PDZD2: variants seen among roughly 807,000 people sequenced by gnomAD.
PDZD2 encodes PDZ domain-containing protein 2.
In PDZD2, 90 loss-of-function variants were observed where a neutral mutation model predicts 220.7. The observed-to-expected ratio is 0.41, with a 90% CI of 0.34 to 0.49. PDZD2 has a LOEUF of 0.49. PDZD2 is among the 20% of genes least tolerant of loss of function. The pLI is 0.28. For missense variants in PDZD2, 3,174 were observed against 3,608.5 expected (o/e 0.88, Z 3.08); for synonymous variants, 1,375 against 1,450.5 (o/e 0.95, Z 1.18).
At chr5:32,023,374 A>G (rs1754381640) in intron 6 of PDZD2, among the ~76,000 whole-genome samples, 1 of 152,020 alleles carries the variant, frequency 6.6e-6, no homozygotes, top group South Asian at 2.1e-4. Context: ...TCATTGCACC[A>G]CCACCAACAA....
At chr5:31,735,473 C>T (rs896867685) in intron 1 of PDZD2, among the ~76,000 whole-genome samples, 1 of 152,150 alleles carries the variant, frequency 6.6e-6, no homozygotes, top group Admixed American at 6.5e-5. Context: ...CCAATAATGA[C>T]CTTCCATGAC....
chr5:31,778,603 C>G (rs1346065501), intron 1 of PDZD2, among the ~76,000 whole-genome samples: 3 of 152,154 alleles, frequency 2.0e-5, no homozygotes, highest in Non-Finnish European at 2.9e-5. Flanking sequence ...ATGAACCCAC[C>G]AGCAGGAAGA....
chr5:32,078,515 C>G (rs1259187234), intron 19 of PDZD2, among the ~76,000 whole-genome samples: 1 of 151,704 alleles, frequency 6.6e-6, no homozygotes, highest in East Asian at 1.9e-4. Flanking sequence ...GCTTATAATC[C>G]CAGCTACTCA....
intron 2 of PDZD2, among the ~76,000 whole-genome samples, chr5:31,827,477 G>A (rs1176559034): frequency 2.0e-5 from 3 of 152,090 alleles, no homozygotes; most frequent in Admixed American, 2.0e-4. Flanking sequence ...TGGATCACTT[G>A]AGATCAGGAG....
At chr5:31,852,345 G>C (rs1450813905) in intron 2 of PDZD2, among the ~76,000 whole-genome samples, 5 of 147,296 alleles carry the variant, frequency 3.4e-5, no homozygotes, top group Non-Finnish European at 7.5e-5. Flanking sequence ...CAGTGGCGCA[G>C]TCCGGGCTCA....
At chr5:31,953,348 CA>C (rs1252632316) in intron 2 of PDZD2, among the ~76,000 whole-genome samples, 9 of 152,014 alleles carry the variant, frequency 5.9e-5, no homozygotes, top group Non-Finnish European at 1.0e-4. Context: ...ATCCTACACA[CA>C]AAATTCCAGA....
At chr5:31,834,080 A>G (rs149436673) in intron 2 of PDZD2, among the ~76,000 whole-genome samples, 1 of 152,342 alleles carries the variant, frequency 6.6e-6, no homozygotes, top group Non-Finnish European at 1.5e-5. Context: ...TTCTTGGATG[A>G]TGAATTCTGT....
At chr5:32,085,136 G>A (rs182344843) in intron 19 of PDZD2, among the ~76,000 whole-genome samples, 33 of 151,312 alleles carry the variant, frequency 2.2e-4, no homozygotes, top group Admixed American at 1.7e-3. Flanking sequence ...TGTATTTTTC[G>A]TAGAGATAGG....
intron 1 of PDZD2, among the ~76,000 whole-genome samples, chr5:31,647,650 A>G (rs700904): frequency 0.085 from 12,993 of 152,242 alleles, 883 homozygotes; most frequent in East Asian, 0.25. Flanking sequence ...TTATAAGGAC[A>G]TTTGTCATTG....
chr5:32,020,059 AT>A (rs962989331), intron 6 of PDZD2, among the ~76,000 whole-genome samples: 15 of 136,650 alleles, frequency 1.1e-4, no homozygotes, highest in East Asian at 4.1e-4. Context: ...ATATATATAT[AT>A]TTTTTTAATT....
At chr5:31,728,002 C>CAA (rs11386922) in intron 1 of PDZD2, among the ~76,000 whole-genome samples, 12,995 of 110,440 alleles carry the variant, frequency 0.12, 1,173 homozygotes, top group East Asian at 0.34. Flanking sequence ...GACTCTGTCT[C>CAA]AAAAAAAAAA....
At chr5:32,054,028 C>G in intron 10 of PDZD2, 145 bp downstream of exon 10, 1 of 595,138 alleles carries the variant, frequency 1.7e-6, no homozygotes, top group South Asian at 2.0e-5. Context: ...CTGAGCTTCA[C>G]TTTCCCTAGT....
chr5:32,020,369 T>G (rs969779147), intron 6 of PDZD2, among the ~76,000 whole-genome samples: 3 of 152,098 alleles, frequency 2.0e-5, no homozygotes, highest in Admixed American at 1.3e-4. Context: ...AAATAAAAAT[T>G]TCTTCTGCCA....
intron 14 of PDZD2, among the ~76,000 whole-genome samples, chr5:32,064,308 C>G (rs1284050909): frequency 1.3e-5 from 2 of 151,542 alleles, no homozygotes; most frequent in African/African-American, 4.9e-5. Context: ...GTGGTGCAGT[C>G]TCAGCTCACA....
chr5:32,082,899 G>A (rs1030285184), intron 19 of PDZD2, among the ~76,000 whole-genome samples: 3 of 152,310 alleles, frequency 2.0e-5, no homozygotes, highest in South Asian at 4.1e-4. Flanking sequence ...AAACCAGAAC[G>A]AGAGGAGGTG....
At chr5:31,848,357 A>G (rs1757711255) in intron 2 of PDZD2, among the ~76,000 whole-genome samples, 1 of 152,238 alleles carries the variant, frequency 6.6e-6, no homozygotes, top group Non-Finnish European at 1.5e-5. Flanking sequence ...TACTATATGC[A>G]AAGTTAGATT....
chr5:31,784,692 A>G (rs1220246825), intron 1 of PDZD2, among the ~76,000 whole-genome samples: 1 of 135,406 alleles, frequency 7.4e-6, no homozygotes, highest in African/African-American at 2.7e-5. Context: ...GTGGATCACG[A>G]GGTCAGGAGT....
intron 7 of PDZD2, among the ~76,000 whole-genome samples, chr5:32,045,815 T>A (rs1049263991): frequency 1.8e-4 from 26 of 147,836 alleles, no homozygotes; most frequent in Non-Finnish European, 3.3e-4. Flanking sequence ...TATTTAACTT[T>A]AAAAAAAAAA....
rs891816681 is a variant in PDZD2, at chr5:31,646,805, C to A, written c.-361+7368C>A. 6.6e-6 allele frequency among the ~76,000 whole-genome samples: 1 copy of A among 152,304 alleles called. No homozygotes were observed. The highest frequency in any genetic ancestry group is 1.9e-4 in the East Asian group (1 of 5,190). Reference sequence around the variant, plus strand: ...TGCCACTGCCCACTCTCCACTCCTACCCCGCCCTGGCCACCTTAATTCCCA... The same window carrying A: ...TGCCACTGCCCACTCTCCACTCCTAACCCGCCCTGGCCACCTTAATTCCCA... On this transcript the variant is annotated intron_variant, in intron 1 of 24. Transcript: ENST00000438447. The surrounding 1 kb of genome is among the most constrained non-coding windows in gnomAD (Gnocchi z 4.7).
Sources: allele counts gnomAD v4.1 joint callset (sites outside exome capture counted in the v4.1 genomes callset), GRCh38; gene constraint gnomAD v4.1.1; non-coding constraint Gnocchi (gnomAD v3.1); transcripts MANE v1.5; gene names NCBI Gene and HGNC (gene_info 2026-07-23, HGNC 2026-07-21).